LRRC4C: variants seen among roughly 807,000 people sequenced by gnomAD.
LRRC4C encodes the protein leucine-rich repeat-containing protein 4C.
In LRRC4C, 5 loss-of-function variants were observed where a neutral mutation model predicts 33.6. The observed-to-expected ratio is 0.15, with a 90% CI of 0.08 to 0.31. The LOEUF (loss-of-function observed/expected upper bound fraction) is 0.31. Among genes scored for constraint, LRRC4C ranks in the 10% least tolerant of loss-of-function variants. The pLI is 1.00. For missense variants in LRRC4C, 560 were observed against 796.7 expected (o/e 0.70, Z 3.58); for synonymous variants, 329 against 302.0 (o/e 1.09, Z -0.93).
intron 4 of LRRC4C, among the ~76,000 whole-genome samples, chr11:40,270,825 T>C (rs775457236): frequency 4.6e-5 from 7 of 152,164 alleles, no homozygotes; most frequent in Non-Finnish European, 1.0e-4. Context: ...AATTCGATCA[T>C]TGACTGTTTT....
chr11:40,520,879 G>A (rs1955781396), intron 3 of LRRC4C, among the ~76,000 whole-genome samples: 1 of 152,042 alleles, frequency 6.6e-6, no homozygotes, highest in Non-Finnish European at 1.5e-5. Context: ...TGATTTTCTT[G>A]TACATCCAGT....
At chr11:40,548,851 T>C (rs1449517338) in intron 3 of LRRC4C, among the ~76,000 whole-genome samples, 1 of 152,142 alleles carries the variant, frequency 6.6e-6, no homozygotes. Flanking sequence ...GTGCATGTAC[T>C]CCCTGTACCC....
chr11:41,202,374 A>C (rs1443915655), intron 1 of LRRC4C, among the ~76,000 whole-genome samples: 1 of 152,196 alleles, frequency 6.6e-6, no homozygotes, highest in Non-Finnish European at 1.5e-5. Flanking sequence ...GAGTTAATTC[A>C]GCTGCTCCAT....
chr11:41,384,655 A>T lies in LRRC4C; in HGVS notation c.-496+74776T>A, dbSNP rs545125920. Among the ~76,000 whole-genome samples, 8 of 151,270 alleles carry T rather than the reference A, an allele frequency of 5.3e-5. No individual in the cohort carries two copies. In the South Asian group the frequency reaches 1.7e-3, roughly 32 times the overall value. On this transcript the variant is annotated intron_variant, in intron 1 of 6. Transcript: ENST00000528697. Reference sequence around the variant, plus strand: ...CAGATAAAATATGTGTACTCTGAAGACCTACTAAGTGCTCATGTATTATGT... The same window carrying T: ...CAGATAAAATATGTGTACTCTGAAGTCCTACTAAGTGCTCATGTATTATGT...
chr11:40,456,877 G>A (rs1170854311), intron 3 of LRRC4C, among the ~76,000 whole-genome samples: 10 of 150,498 alleles, frequency 6.6e-5, no homozygotes, highest in African/African-American at 2.2e-4. Flanking sequence ...AAGAGAAAGA[G>A]CATGGAGATA....
chr11:40,634,326 A>G (rs566971671), intron 3 of LRRC4C, among the ~76,000 whole-genome samples: 33 of 152,332 alleles, frequency 2.2e-4, no homozygotes, highest in African/African-American at 7.9e-4. Flanking sequence ...CCTCATTTAT[A>G]TATATATACA....
chr11:40,774,440 T>C (rs1256247912), intron 2 of LRRC4C, among the ~76,000 whole-genome samples: 1 of 152,128 alleles, frequency 6.6e-6, no homozygotes, highest in African/African-American at 2.4e-5. Context: ...GAGTAGTCAA[T>C]TGGGGATAAA....
intron 1 of LRRC4C, among the ~76,000 whole-genome samples, chr11:41,327,174 T>A (rs867526478): frequency 3.9e-5 from 6 of 152,180 alleles, no homozygotes; most frequent in African/African-American, 1.2e-4. Flanking sequence ...GCAGCCCACC[T>A]TTTTCATGGT....
At chr11:40,172,011 C>T (rs150544672) in intron 5 of LRRC4C, among the ~76,000 whole-genome samples, 4 of 152,186 alleles carry the variant, frequency 2.6e-5, no homozygotes, top group Non-Finnish European at 4.4e-5. Flanking sequence ...AGTTAGACTC[C>T]GTCTCCAAAC....
chr11:40,420,618 A>G (rs997726417), intron 3 of LRRC4C, among the ~76,000 whole-genome samples: 1 of 152,206 alleles, frequency 6.6e-6, no homozygotes, highest in African/African-American at 2.4e-5. Context: ...TTTAGTGTCA[A>G]TCTGGTGAAT....
chr11:41,154,903 T>C (rs1444987408), intron 1 of LRRC4C, among the ~76,000 whole-genome samples: 3 of 152,104 alleles, frequency 2.0e-5, no homozygotes, highest in Admixed American at 2.0e-4. Flanking sequence ...AGTGGTACGA[T>C]TATTTTGTGG....
intron 2 of LRRC4C, among the ~76,000 whole-genome samples, chr11:40,691,432 C>T (rs989241669): frequency 6.6e-6 from 1 of 152,110 alleles, no homozygotes; most frequent in Non-Finnish European, 1.5e-5. Flanking sequence ...TGTTCTTTCA[C>T]ATAAACCTCA....
At chr11:41,076,814 T>A (rs7129748) in intron 1 of LRRC4C, among the ~76,000 whole-genome samples, 87,512 of 151,928 alleles carry the variant, frequency 0.58, 26,298 homozygotes, top group South Asian at 0.72. Flanking sequence ...GTCCGTAGTC[T>A]CATCTGAGAC....
intron 2 of LRRC4C, among the ~76,000 whole-genome samples, chr11:40,700,906 T>C (rs1945834581): frequency 6.6e-6 from 1 of 152,208 alleles, no homozygotes; most frequent in Non-Finnish European, 1.5e-5. Context: ...CATATATCCA[T>C]GCCAAACTCA....
At position 40,362,761 on chromosome 11, in the gene LRRC4C, G is replaced by A. The variant is rs182105092; in HGVS notation, c.-269-43040C>T. ...TCAATAAATCGTGAGAAAAGGACAC[G>A]AACAGACGCTTCTCAAAAGCAGACA... is the stretch of plus-strand genomic sequence containing the variant. On this transcript the variant is annotated intron_variant, in intron 3 of 6. Coordinates refer to ENST00000528697, the MANE Select transcript of LRRC4C (RefSeq NM_001258419.2). Among the ~76,000 whole-genome samples, 509 of 152,168 alleles carry A rather than the reference G, an allele frequency of 3.3e-3. 2 individuals carry two copies. Among genetic ancestry groups the A allele is most frequent in the Non-Finnish European group, 5.5e-3 (375 of 67,998 alleles).
chr11:40,776,403 T>G (rs1949998277), intron 2 of LRRC4C, among the ~76,000 whole-genome samples: 1 of 152,098 alleles, frequency 6.6e-6, no homozygotes, highest in South Asian at 2.1e-4. Flanking sequence ...TTGATTCCAT[T>G]TTGAGCTCAA....
At chr11:41,180,672 C>T (rs1466625337) in intron 1 of LRRC4C, among the ~76,000 whole-genome samples, 1 of 152,174 alleles carries the variant, frequency 6.6e-6, no homozygotes, top group African/African-American at 2.4e-5. Context: ...TGGTGCAGTA[C>T]TGCTGCCCTG....
At chr11:40,743,844 T>A (rs1354334900) in intron 2 of LRRC4C, among the ~76,000 whole-genome samples, 1 of 152,118 alleles carries the variant, frequency 6.6e-6, no homozygotes, top group Non-Finnish European at 1.5e-5. Context: ...GTGCTAGCTT[T>A]GCTGTGGACC....
chr11:40,318,782 G>T (rs1431628777), intron 4 of LRRC4C, among the ~76,000 whole-genome samples: 1 of 151,988 alleles, frequency 6.6e-6, no homozygotes, highest in Non-Finnish European at 1.5e-5. Flanking sequence ...TATCTGCAAT[G>T]GGTTTTTATT....
Sources: gnomAD v4.1 joint callset for allele counts (sites outside exome capture counted in the v4.1 genomes callset) on GRCh38, gnomAD v4.1.1 for gene constraint, MANE v1.5 for transcripts, NCBI Gene and HGNC (gene_info 2026-07-23, HGNC 2026-07-21) for gene names.